HECW1: variants seen among roughly 807,000 people sequenced by gnomAD.
HECW1 encodes HECT, C2 and WW domain containing E3 ubiquitin protein ligase 1.
Under a neutral mutation model 182.3 loss-of-function variants are expected in HECW1, and 61 were observed. The observed-to-expected ratio is 0.33, with a 90% confidence interval of 0.27 to 0.41. HECW1 has a LOEUF of 0.41. Among genes scored for constraint, HECW1 ranks in the 10% least tolerant of loss-of-function variants. HECW1 has a pLI of 1.00. For missense variants in HECW1, 1,739 were observed against 2,108.9 expected (o/e 0.82, Z 3.44); for synonymous variants, 859 against 832.6 (o/e 1.03, Z -0.55).
intron 15 of HECW1, among the ~76,000 whole-genome samples, chr7:43,468,551 T>A (rs1035341752): frequency 6.6e-6 from 1 of 151,972 alleles, no homozygotes; most frequent in African/African-American, 2.4e-5. Flanking sequence ...AGACAAGGCC[T>A]TGCTCTGTTG....
chr7:43,372,655 T>C (rs753285896), intron 6 of HECW1, among the ~76,000 whole-genome samples: 2 of 151,236 alleles, frequency 1.3e-5, no homozygotes, highest in African/African-American at 4.9e-5. Flanking sequence ...TTAACATCTA[T>C]AATTTTTTTA....
intron 24 of HECW1, among the ~76,000 whole-genome samples, chr7:43,524,678 G>A (rs1412821232): frequency 6.6e-6 from 1 of 152,144 alleles, no homozygotes; most frequent in African/African-American, 2.4e-5. Context: ...GAGTGGAGAG[G>A]CTTTGACATG....
At position 43,272,236 on chromosome 7, in the gene HECW1, A is replaced by T. The variant is rs527250722; in HGVS notation, c.27+28304A>T. 7.9e-4 allele frequency among the ~76,000 whole-genome samples: 120 copies of T among 152,290 alleles called. 2 individuals carry two copies. The highest frequency in any genetic ancestry group is 6.6e-3 in the South Asian group (32 of 4,822). Reference sequence around the variant, plus strand: ...TAAATTCTCAAACTATAAGAATCCTAGAAGAAAACCTAGGAAACACCATTC... The same window carrying T: ...TAAATTCTCAAACTATAAGAATCCTTGAAGAAAACCTAGGAAACACCATTC... On this transcript the variant is annotated intron_variant, in intron 3 of 29. Transcript: ENST00000395891.
At position 43,277,380 on chromosome 7, in the gene HECW1, CGTTTG is replaced by C. The variant is rs1803290099; in HGVS notation, c.27+33453_27+33457del. Among the ~76,000 whole-genome samples, 3 of 152,136 alleles carry C rather than the reference CGTTTG, an allele frequency of 2.0e-5. No individual in the cohort carries two copies. The South Asian group carries it at 6.2e-4, about 32-fold the overall frequency. Reference sequence around the variant, plus strand: ...CCACCTTATCTTGTTGTTGTTGTTCCGTTTGGTTTTGTTTTAGGTGTTTAGCAGCC... The same window carrying C: ...CCACCTTATCTTGTTGTTGTTGTTCCGTTTTGTTTTAGGTGTTTAGCAGCC... On this transcript the variant is annotated intron_variant, in intron 3 of 29. Coordinates refer to ENST00000395891, the MANE Select transcript of HECW1 (RefSeq NM_015052.5).
intron 2 of HECW1, among the ~76,000 whole-genome samples, chr7:43,215,455 G>T (rs1796361478): frequency 6.6e-6 from 1 of 152,172 alleles, no homozygotes; most frequent in South Asian, 2.1e-4. Context: ...TCCTTTTGTG[G>T]CATTCTCATT....
chr7:43,439,527 G>T (rs941444784), intron 9 of HECW1: 1 of 152,686 alleles, frequency 6.5e-6, no homozygotes, highest in African/African-American at 2.4e-5. Flanking sequence ...CTGCCAGGGG[G>T]TGGGCTGGAG....
chr7:43,502,920 A>G (rs1380489564), intron 21 of HECW1, among the ~76,000 whole-genome samples: 1 of 152,168 alleles, frequency 6.6e-6, no homozygotes, highest in Non-Finnish European at 1.5e-5. Flanking sequence ...CCCAAGAGAA[A>G]CAGAACTTGG....
intron 3 of HECW1, among the ~76,000 whole-genome samples, chr7:43,308,232 TA>T (rs1193737083): frequency 2.8e-5 from 2 of 71,618 alleles, no homozygotes; most frequent in African/African-American, 2.1e-4. Flanking sequence ...TATTTTTATA[TA>T]ATAATATATA....
intron 7 of HECW1, among the ~76,000 whole-genome samples, chr7:43,401,583 TTTTC>T (rs2075415424): frequency 1.3e-5 from 2 of 150,660 alleles, no homozygotes; most frequent in South Asian, 2.1e-4. Context: ...TTTTTTTTTT[TTTTC>T]CCCCAAATAT....
chr7:43,136,988 T>C (rs1350320987), intron 2 of HECW1, among the ~76,000 whole-genome samples: 1 of 152,168 alleles, frequency 6.6e-6, no homozygotes, highest in East Asian at 1.9e-4. Context: ...ACATTTTAAT[T>C]CTTCTTGCCC....
At chr7:43,339,773 G>A (rs557127024) in intron 5 of HECW1, among the ~76,000 whole-genome samples, 19 of 152,228 alleles carry the variant, frequency 1.2e-4, no homozygotes, top group Middle Eastern at 3.4e-3. Flanking sequence ...GTCCAATTCT[G>A]GTAAGCCACA....
Position 43,391,375 on chromosome 7 carries a change from T to G in HECW1, c.556-5439T>G, listed in dbSNP as rs146345324. ...TATCTCATTATTGGGCCACGAGAAA[T>G]AGCAGCCTGACCCTCAGTTTGGTCC... On this transcript the variant is annotated intron_variant, in intron 6 of 29. Transcript: ENST00000395891. Among the ~76,000 whole-genome samples the G allele has an allele frequency of 1.1e-4, 16 of 152,332 alleles. No individual in the cohort carries two copies. The East Asian group carries it at 3.1e-3, about 29-fold the overall frequency.
chr7:43,175,754 G>A (rs985705673), intron 2 of HECW1, among the ~76,000 whole-genome samples: 2 of 152,214 alleles, frequency 1.3e-5, no homozygotes, highest in South Asian at 2.1e-4. Context: ...CGGAGCTAAC[G>A]TTTCACTCCA....
Position 43,444,507 on chromosome 7 carries a change from G to C in HECW1, c.1335G>C (p.Val445=). ...GGGCTGGGGAGCTCCTGGCCCAGGT[G>C]CAAAAGGACATCCAGCCTGCCCCCA... is the stretch of plus-strand genomic sequence containing the variant. ...PEGAGELLAQ[V]QKDIQPAPSA... Residue 445 remains valine, a synonymous_variant, in exon 11 of 30, where the codon GTG becomes GTC. Transcript: ENST00000395891. The surrounding 1 kb of genome is among the most constrained non-coding windows in gnomAD (Gnocchi z 4.3). 1 of 1,611,952 alleles carries C rather than the reference G, an allele frequency of 6.2e-7. No homozygotes were observed. Among genetic ancestry groups the C allele is most frequent in the Non-Finnish European group, 8.5e-7 (1 of 1,179,188 alleles).
intron 8 of HECW1, among the ~76,000 whole-genome samples, chr7:43,414,823 A>G (rs1039205816): frequency 2.0e-5 from 3 of 151,982 alleles, no homozygotes; most frequent in Middle Eastern, 3.4e-3. Context: ...ATCATGGTGG[A>G]TAAGCTTTTT....
At chr7:43,257,439 C>T (rs1800694510) in intron 3 of HECW1, among the ~76,000 whole-genome samples, 1 of 152,180 alleles carries the variant, frequency 6.6e-6, no homozygotes, top group African/African-American at 2.4e-5. Flanking sequence ...GTTCTGCCTT[C>T]AAGGTAAGAA....
intron 2 of HECW1, among the ~76,000 whole-genome samples, chr7:43,210,556 G>T (rs112862656): frequency 4.6e-5 from 7 of 152,178 alleles, no homozygotes; most frequent in African/African-American, 1.7e-4. Flanking sequence ...CAAGCCTCGT[G>T]TTCGCTAACC....
intron 2 of HECW1, among the ~76,000 whole-genome samples, chr7:43,168,087 A>G (rs1448436139): frequency 1.3e-5 from 2 of 152,154 alleles, no homozygotes; most frequent in Non-Finnish European, 2.9e-5. Flanking sequence ...ATTACCAACT[A>G]GTTTATTTTT....
chr7:43,421,201 G>A (rs1275395579), intron 8 of HECW1, among the ~76,000 whole-genome samples: 1 of 152,194 alleles, frequency 6.6e-6, no homozygotes, highest in Non-Finnish European at 1.5e-5. Flanking sequence ...AGGATAGCCT[G>A]TTCAATATTT....
Sources: allele counts gnomAD v4.1 joint callset (sites outside exome capture counted in the v4.1 genomes callset), GRCh38; gene constraint gnomAD v4.1.1; non-coding constraint Gnocchi (gnomAD v3.1); transcripts MANE v1.5; gene names NCBI Gene and HGNC (gene_info 2026-07-23, HGNC 2026-07-21).